PTPRD: variants seen among roughly 807,000 people sequenced by gnomAD.
PTPRD encodes the protein receptor-type tyrosine-protein phosphatase delta.
In PTPRD, 34 loss-of-function variants were observed where a neutral mutation model predicts 214.5. That is an observed-to-expected ratio of 0.16 (90% confidence interval 0.12 to 0.21). The LOEUF (loss-of-function observed/expected upper bound fraction) is 0.21. Among genes scored for constraint, PTPRD ranks in the 10% least tolerant of loss-of-function variants. PTPRD has a pLI of 1.00. For missense variants in PTPRD, 2,545 were observed against 2,398.7 expected (o/e 1.06, Z -1.27); for synonymous variants, 1,128 against 845.7 (o/e 1.33, Z -5.79).
At chr9:8,705,549 C>T (rs957831917) in intron 12 of PTPRD, among the ~76,000 whole-genome samples, 36 of 152,174 alleles carry the variant, frequency 2.4e-4, no homozygotes, top group Non-Finnish European at 4.6e-4. Context: ...TTTTCCATTT[C>T]TAAACCAACA....
chr9:9,129,505 A>T (rs2099839312), intron 10 of PTPRD, among the ~76,000 whole-genome samples: 1 of 152,182 alleles, frequency 6.6e-6, no homozygotes, highest in Non-Finnish European at 1.5e-5. Context: ...TTACTTTCCT[A>T]ATAGAACCAT....
intron 10 of PTPRD, among the ~76,000 whole-genome samples, chr9:9,150,946 T>G (rs1227952586): frequency 6.6e-6 from 1 of 152,202 alleles, no homozygotes; most frequent in South Asian, 2.1e-4. Context: ...GCAAAGATTT[T>G]TGAGATAGAA....
chr9:9,465,857 C>G (rs12350794), intron 8 of PTPRD, among the ~76,000 whole-genome samples: 1 of 151,988 alleles, frequency 6.6e-6, no homozygotes, highest in African/African-American at 2.4e-5. Flanking sequence ...TGGGTATTAG[C>G]CATGTGCTGG....
chr9:8,824,652 T>C (rs1192433214), intron 11 of PTPRD, among the ~76,000 whole-genome samples: 1 of 152,166 alleles, frequency 6.6e-6, no homozygotes, highest in African/African-American at 2.4e-5. Context: ...TGGGCAACTG[T>C]TGGAACTAAG....
intron 43 of PTPRD, 75 bp downstream of exon 43, chr9:8,338,847 C>CAGAGAGATAGAGAG: frequency 9.3e-7 from 1 of 1,076,430 alleles, no homozygotes; most frequent in Non-Finnish European, 1.3e-6. Flanking sequence ...GTGCTTCTCC[C>CAGAGAGATAGAGAG]AGAGAGAGAG....
At chr9:9,982,085 C>T (rs960862920) in intron 4 of PTPRD, among the ~76,000 whole-genome samples, 1 of 152,300 alleles carries the variant, frequency 6.6e-6, no homozygotes, top group Middle Eastern at 3.4e-3. Context: ...GTATGCCTCT[C>T]CTTGGTGGAC....
At position 8,449,774 on chromosome 9, in the gene PTPRD, G is replaced by A. The variant is rs2133464355; in HGVS notation, c.3939C>T (p.His1313=). The A allele has an allele frequency of 1.2e-6, 2 of 1,614,106 alleles. No homozygotes were observed. Among genetic ancestry groups the A allele is most frequent in the South Asian group, 2.2e-5 (2 of 91,080 alleles). ...SIPNNKEIPS[H]HPTDPVELRR... ...TCAGTTCTACAGGGTCTGTTGGGTG[G>A]TGTGAAGGGATCTCCTTATTGTTCG... Residue 1313 remains histidine (H), a synonymous_variant, in exon 34 of 46, where the codon CAC becomes CAT. Transcript: ENST00000381196.
chr9:10,441,571 C>A (rs554883792), intron 2 of PTPRD, among the ~76,000 whole-genome samples: 16 of 151,486 alleles, frequency 1.1e-4, no homozygotes, highest in Middle Eastern at 3.4e-3. Flanking sequence ...TTTCTGTTCT[C>A]ATCATATCTC....
chr9:8,687,488 C>G (rs1220171742), intron 12 of PTPRD, among the ~76,000 whole-genome samples: 1 of 152,146 alleles, frequency 6.6e-6, no homozygotes, highest in Non-Finnish European at 1.5e-5. Flanking sequence ...GTCTGTGAGG[C>G]TTCTTGCACT....
At chr9:9,295,936 A>C (rs1569567154) in intron 9 of PTPRD, among the ~76,000 whole-genome samples, 2 of 151,774 alleles carry the variant, frequency 1.3e-5, no homozygotes, top group African/African-American at 2.4e-5. Flanking sequence ...TTTACTACTC[A>C]GGAGGTTGGA....
chr9:8,613,591 C>G (rs1488773629), intron 14 of PTPRD, among the ~76,000 whole-genome samples: 1 of 152,102 alleles, frequency 6.6e-6, no homozygotes, highest in African/African-American at 2.4e-5. Context: ...CTCTAGCACC[C>G]CCAGAAAATG....
chr9:9,358,617 T>A (rs10114510), intron 9 of PTPRD, among the ~76,000 whole-genome samples: 31,664 of 151,104 alleles, frequency 0.21, 3,851 homozygotes, highest in East Asian at 0.34. Context: ...AAGAACTGAT[T>A]GGCTCCCATG....
chr9:9,901,550 T>A (rs1601531691), intron 5 of PTPRD, among the ~76,000 whole-genome samples: 1 of 152,022 alleles, frequency 6.6e-6, no homozygotes, highest in African/African-American at 2.4e-5. Context: ...TAACCAAAGT[T>A]TAAAATATGT....
chr9:9,461,538 A>G (rs1569568533), intron 8 of PTPRD, among the ~76,000 whole-genome samples: 1 of 152,142 alleles, frequency 6.6e-6, no homozygotes, highest in Non-Finnish European at 1.5e-5. Context: ...GAAGAAAGTT[A>G]ATATGAAAAG....
chr9:9,683,307 G>T (rs191633939), intron 7 of PTPRD, among the ~76,000 whole-genome samples: 1 of 151,712 alleles, frequency 6.6e-6, no homozygotes, highest in Middle Eastern at 3.2e-3. Flanking sequence ...GGGGTAAATT[G>T]ATTTTCTTTG....
At chr9:10,103,395 T>TATATATATATATATGTA (rs34926923) in intron 3 of PTPRD, among the ~76,000 whole-genome samples, 1,315 of 116,644 alleles carry the variant, frequency 0.011, 52 homozygotes, top group Admixed American at 0.034. Context: ...ATATATATAT[T>TATATATATATATATGTA]TATTTAAGAG....
At chr9:9,767,225 C>T (rs76045218) in intron 5 of PTPRD, among the ~76,000 whole-genome samples, 1,749 of 151,918 alleles carry the variant, frequency 0.012, 17 homozygotes, top group Middle Eastern at 0.02. Flanking sequence ...AGATTTAAAT[C>T]AGAAAGATGA....
In PTPRD at chr9:9,742,731, T is replaced by A. The variant is rs374484469; in HGVS notation, c.-325-8160A>T. On this transcript the variant is annotated intron_variant, in intron 6 of 45. Coordinates refer to ENST00000381196, the MANE Select transcript of PTPRD (RefSeq NM_002839.4). The stretch of plus-strand genomic sequence containing the variant: ...CAAGACTTTTATACCTAGACCTTAG[T>A]GTTTCCACTTAGACACACCTGTTAT... Among the ~76,000 whole-genome samples the A allele has an allele frequency of 4.6e-5, 7 of 152,284 alleles. No homozygotes were observed. In the East Asian group the frequency reaches 9.7e-4, roughly 21 times the overall value.
At chr9:9,892,491 A>C (rs10123482) in intron 5 of PTPRD, among the ~76,000 whole-genome samples, 13,932 of 152,150 alleles carry the variant, frequency 0.092, 1,559 homozygotes, top group African/African-American at 0.27. Flanking sequence ...ATTTGAAGAT[A>C]TAGCACAGAA....
Sources: allele counts gnomAD v4.1 joint callset (sites outside exome capture counted in the v4.1 genomes callset), GRCh38; gene constraint gnomAD v4.1.1; transcripts MANE v1.5; gene names NCBI Gene and HGNC (gene_info 2026-07-23, HGNC 2026-07-21).